NMT1: variants seen among roughly 807,000 people sequenced by gnomAD.
NMT1 encodes the protein N-myristoyltransferase 1.
NMT1 carries 12 observed loss-of-function variants against 63.4 expected under a neutral mutation model. The ratio of observed to expected loss-of-function variants is 0.19; its 90% confidence interval spans 0.12 to 0.31. The LOEUF is 0.31. Ranked by LOEUF, NMT1 falls within the 10% of genes least tolerant of loss-of-function variation. The pLI is 1.00. For missense variants in NMT1, 432 were observed against 634.6 expected (o/e 0.68, Z 3.43); for synonymous variants, 228 against 234.3 (o/e 0.97, Z 0.25).
rs2239924 is a variant in NMT1, at chr17:45,105,442, T to G, written c.1471-177T>G. Among the ~76,000 whole-genome samples the G allele has an allele frequency of 0.14, 20,964 of 152,034 alleles. 1,786 individuals are homozygous for G. Among genetic ancestry groups the G allele is most frequent in the East Asian group, 0.28 (1,424 of 5,154 alleles). ...GGCCAGTTTTCCCTGGGAGGTCTGA[T>G]GGACGTGTGAACCCTGGTGTGGAGG... On this transcript the variant is annotated intron_variant, in intron 11 of 11. Transcript: ENST00000258960. The surrounding 1 kb of genome is among the most constrained non-coding windows in gnomAD (Gnocchi z 4.2).
chr17:45,078,221 G>C lies in NMT1; in HGVS notation c.132-3423G>C, dbSNP rs1230797012. Among the ~76,000 whole-genome samples, 5 of 152,266 alleles carry C rather than the reference G, an allele frequency of 3.3e-5. No homozygotes were observed. In the East Asian group the frequency reaches 9.7e-4, roughly 29 times the overall value. On this transcript the variant is annotated intron_variant, in intron 1 of 11. Coordinates refer to ENST00000258960, the MANE Select transcript of NMT1 (RefSeq NM_021079.5). ...ATACCTTCCAAGTTAAGAAGCCGCT[G>C]TTACTCTAGGATTTCAAGCATGGGG...
chr17:45,065,145 C>G (rs560100770), intron 1 of NMT1, among the ~76,000 whole-genome samples: 1 of 152,244 alleles, frequency 6.6e-6, no homozygotes, highest in East Asian at 1.9e-4. Flanking sequence ...TTCGAAATGC[C>G]TAGCACTTAG....
chr17:45,105,050 C>G lies in NMT1; in HGVS notation c.1470+54C>G. 1.2e-6 allele frequency: 2 copies of G among 1,607,956 alleles called. No homozygotes were observed. Among genetic ancestry groups the G allele is most frequent in the Admixed American group, 1.7e-5 (1 of 59,756 alleles). On this transcript the variant is annotated intron_variant, in intron 11 of 11. Coordinates refer to ENST00000258960, the MANE Select transcript of NMT1 (RefSeq NM_021079.5). This position sits in a 1 kb window ranked among gnomAD's most constrained non-coding sequence, Gnocchi z 4.2. The stretch of plus-strand genomic sequence containing the variant: ...TGCCCGGCCCAGGGTGTCCATGTCT[C>G]CAGCAGAAACCGGGCCATGGGTTGA...
chr17:45,106,602 T>C lies in NMT1; in HGVS notation c.*963T>C, dbSNP rs1326049059. ...AGTGTAAGCCCTGCTTAGCTCATCT[T>C]AGAGCAAAGAGCCAGCACCCTGATG... On this transcript the variant is annotated 3_prime_UTR_variant, in exon 12 of 12. Coordinates refer to ENST00000258960, the MANE Select transcript of NMT1 (RefSeq NM_021079.5). 2.6e-5 allele frequency: 4 copies of C among 152,836 alleles called. No individual in the cohort carries two copies. The highest frequency in any genetic ancestry group is 9.6e-5 in the African/African-American group (4 of 41,586). 9.5% of individuals were successfully genotyped at this position (152,836 alleles called of 1,614,324 possible). A position where few individuals can be genotyped will look rare whatever the true frequency, so the allele number is the denominator to read the frequency against.
Position 45,103,218 on chromosome 17 carries a change from G to A in NMT1, c.1164+97G>A. 2 of 1,163,646 alleles carry A rather than the reference G, an allele frequency of 1.7e-6. No homozygotes were observed. The highest frequency in any genetic ancestry group is 2.5e-6 in the Non-Finnish European group (2 of 807,114). The allele number at this position is 1,163,646 out of a possible 1,614,324, so 72.1% of individuals were successfully genotyped here. A position where few individuals can be genotyped will look rare whatever the true frequency, so the allele number is the denominator to read the frequency against. ...CCAGGGCTCGAGTGTTGGCACCTTA[G>A]ACTTCCTTGACCATCCGTGTTTGGT... is the stretch of plus-strand genomic sequence containing the variant. On this transcript the variant is annotated intron_variant, in intron 9 of 11. Transcript: ENST00000258960. This position sits in a 1 kb window ranked among gnomAD's most constrained non-coding sequence, Gnocchi z 4.8.
intron 1 of NMT1, among the ~76,000 whole-genome samples, chr17:45,073,655 T>G (rs1331971239): frequency 6.6e-6 from 1 of 152,176 alleles, no homozygotes; most frequent in Non-Finnish European, 1.5e-5. Context: ...TAGCCCAGTG[T>G]GAGGAAACAA....
At position 45,105,295 on chromosome 17, in the gene NMT1, G is replaced by T. The variant is rs779694175; in HGVS notation, c.1470+299G>T. On this transcript the variant is annotated intron_variant, in intron 11 of 11. Transcript: ENST00000258960. This position sits in a 1 kb window ranked among gnomAD's most constrained non-coding sequence, Gnocchi z 4.2. The stretch of plus-strand genomic sequence containing the variant: ...GAGTTGCCCACGGTTTGCCAGGAGG[G>T]TAGGGCTGGGGGAACTCTGAGGAGG... Among the ~76,000 whole-genome samples the T allele has an allele frequency of 3.3e-5, 5 of 152,186 alleles. No homozygotes were observed. Among genetic ancestry groups the T allele is most frequent in the African/African-American group, 4.8e-5 (2 of 41,434 alleles).
At chr17:45,079,606 G>T (rs1017957192) in intron 1 of NMT1, among the ~76,000 whole-genome samples, 1 of 152,252 alleles carries the variant, frequency 6.6e-6, no homozygotes. Context: ...TTCATGGGGT[G>T]TGTCATGTAG....
chr17:45,090,130 A>T (rs374226025), intron 3 of NMT1, among the ~76,000 whole-genome samples: 1 of 152,056 alleles, frequency 6.6e-6, no homozygotes, highest in Non-Finnish European at 1.5e-5. Flanking sequence ...AAAAAAATTT[A>T]AAAATTAGCC....
intron 1 of NMT1, chr17:45,071,501 T>C (rs1029329071): frequency 9.9e-5 from 15 of 152,214 alleles, no homozygotes; most frequent in African/African-American, 3.4e-4. Flanking sequence ...ATAGATTTCT[T>C]TGTTCCTTTT....
chr17:45,082,594 G>A (rs969767476), intron 2 of NMT1, among the ~76,000 whole-genome samples: 17 of 152,182 alleles, frequency 1.1e-4, no homozygotes, highest in Non-Finnish European at 1.5e-5. Flanking sequence ...ATATGGGTAA[G>A]GATTGTTTTG....
In NMT1 at chr17:45,103,807, T is replaced by C. The variant is rs1180139152; in HGVS notation, c.1263T>C (p.Ser421=). ...ACAAGAGTCTCAAAGCTGCTTATTC[T>C]TTCTACAACGTTCACACCCAGACCC... ...PTHKSLKAAY[S]FYNVHTQTPL... Residue 421 remains serine (S), a synonymous_variant, in exon 10 of 12, where the codon TCT becomes TCC. Transcript: ENST00000258960. The surrounding 1 kb of genome is among the most constrained non-coding windows in gnomAD (Gnocchi z 4.8). 1.9e-6 allele frequency: 3 copies of C among 1,614,052 alleles called. No individual in the cohort carries two copies. The highest frequency in any genetic ancestry group is 2.2e-5 in the South Asian group (2 of 91,088).
chr17:45,102,159 A>G (rs2054170579), intron 8 of NMT1, among the ~76,000 whole-genome samples: 1 of 152,234 alleles, frequency 6.6e-6, no homozygotes, highest in Admixed American at 6.5e-5. Context: ...CTGAAGTTTT[A>G]AAAGCAATTC....
intron 3 of NMT1, among the ~76,000 whole-genome samples, chr17:45,092,036 C>T (rs2054092079): frequency 6.6e-6 from 1 of 152,048 alleles, no homozygotes; most frequent in African/African-American, 2.4e-5. Flanking sequence ...TCATGAGTTT[C>T]CTAACTAGGG....
intron 3 of NMT1, among the ~76,000 whole-genome samples, chr17:45,091,569 G>C (rs1317164884): frequency 6.6e-6 from 1 of 152,164 alleles, no homozygotes; most frequent in Non-Finnish European, 1.5e-5. Context: ...GAAGTGTATA[G>C]GAAAAGGTAT....
At chr17:45,098,589 G>A in intron 7 of NMT1, 37 bp downstream of exon 7, 1 of 1,596,332 alleles carries the variant, frequency 6.3e-7, no homozygotes, top group East Asian at 2.2e-5. Context: ...AAAAATGCGG[G>A]TGTCTGCACT....
rs781123246 is a variant in NMT1 at position 45,103,978 on chromosome 17, T to C, written c.1332+102T>C. 1.3e-6 allele frequency: 2 copies of C among 1,599,706 alleles called. No homozygotes were observed. Among genetic ancestry groups the C allele is most frequent in the South Asian group, 2.2e-5 (2 of 90,616 alleles). On this transcript the variant is annotated intron_variant, in intron 10 of 11. Transcript: ENST00000258960. This position sits in a 1 kb window ranked among gnomAD's most constrained non-coding sequence, Gnocchi z 4.8. ...ACGCAGCCTCCCATGGGCTGGAGGC[T>C]CTGAGCCCTCCTCATCTGTTCTGCT...
At chr17:45,071,977 C>T (rs2053942674) in intron 1 of NMT1, among the ~76,000 whole-genome samples, 2 of 152,256 alleles carry the variant, frequency 1.3e-5, no homozygotes, top group South Asian at 4.1e-4. Flanking sequence ...TAGGGCTGGA[C>T]ATGGTAGCTC....
intron 1 of NMT1, among the ~76,000 whole-genome samples, chr17:45,063,669 G>A (rs2053882738): frequency 6.6e-6 from 1 of 152,204 alleles, no homozygotes; most frequent in South Asian, 2.1e-4. Flanking sequence ...GCCGAGGCAG[G>A]TGGATCACTT....
Sources: allele counts gnomAD v4.1 joint callset (sites outside exome capture counted in the v4.1 genomes callset), GRCh38; gene constraint gnomAD v4.1.1; non-coding constraint Gnocchi (gnomAD v3.1); transcripts MANE v1.5; gene names NCBI Gene and HGNC (gene_info 2026-07-23, HGNC 2026-07-21).